Variants in SLC9A2 observed in about 807,000 individuals in gnomAD.
The protein encoded by SLC9A2 is solute carrier family 9 member A2, also known as sodium/hydrogen exchanger 2.
A neutral mutation model predicts 71.7 loss-of-function variants in SLC9A2; 42 were observed. The observed-to-expected ratio is 0.59, with a 90% CI of 0.46 to 0.76. The LOEUF is 0.76. Among genes scored for constraint, SLC9A2 ranks in the 30% least tolerant of loss-of-function variants. The pLI is 0.00. For missense variants in SLC9A2, 829 were observed against 1,017.4 expected, an observed-to-expected ratio of 0.81 and a Z score of 2.52; for synonymous variants, 396 against 392.5, an observed-to-expected ratio of 1.01 and a Z score of -0.10.
intron 5 of SLC9A2, among the ~76,000 whole-genome samples, chr2:102,688,642 CGCT>C (rs1274168279): frequency 1.3e-5 from 2 of 152,180 alleles, no homozygotes; most frequent in East Asian, 3.9e-4. Context: ...GCAGGAGAAT[CGCT>C]TGAACCAGGG....
intron 3 of SLC9A2, among the ~76,000 whole-genome samples, chr2:102,672,668 C>T (rs919885981): frequency 2.6e-5 from 4 of 151,992 alleles, no homozygotes; most frequent in African/African-American, 9.7e-5. Flanking sequence ...AAAAATGTTT[C>T]CCTAGGTCCA....
At chr2:102,680,612 A>G (rs1455910601) in intron 3 of SLC9A2, among the ~76,000 whole-genome samples, 1 of 152,148 alleles carries the variant, frequency 6.6e-6, no homozygotes, top group Non-Finnish European at 1.5e-5. Context: ...CACTTGGTTC[A>G]GGATACAGTT....
chr2:102,683,284 T>C lies in SLC9A2; in HGVS notation c.1028T>C (p.Met343Thr), dbSNP rs1256807243. ...IMAITACAMT[M>T]NKYVEENVSQ... is the part of the protein sequence containing the mutation. The stretch of plus-strand genomic sequence containing the variant: ...AGAATCACTGCTTGTGCAATGACTA[T>C]GAATAAGTACGTAGAAGAAAATGTA... Residue 343 changes from methionine (M) to threonine (T), a missense_variant, in exon 4 of 12, where the codon ATG becomes ACG. Coordinates refer to ENST00000233969, the MANE Select transcript of SLC9A2 (RefSeq NM_003048.6). 7 of 1,613,248 alleles carry C rather than the reference T, an allele frequency of 4.3e-6. No individual in the cohort carries two copies. Among genetic ancestry groups the C allele is most frequent in the Non-Finnish European group, 5.9e-6 (7 of 1,179,194 alleles).
intron 4 of SLC9A2, 64 bp from the exon 5 acceptor site, chr2:102,684,070 T>C: frequency 8.6e-7 from 1 of 1,166,272 alleles, no homozygotes; most frequent in Admixed American, 1.8e-5. Flanking sequence ...AGAAAATGAG[T>C]CTATGTATTT....
intron 2 of SLC9A2, among the ~76,000 whole-genome samples, chr2:102,659,197 G>A (rs1266137057): frequency 6.6e-6 from 1 of 151,886 alleles, no homozygotes. Flanking sequence ...GGAGGCTGAG[G>A]CAGGTGGATC....
intron 3 of SLC9A2, among the ~76,000 whole-genome samples, chr2:102,671,344 A>G (rs1677249131): frequency 6.6e-6 from 1 of 152,200 alleles, no homozygotes; most frequent in South Asian, 2.1e-4. Flanking sequence ...TGACCACCCC[A>G]AACATAAATA....
At chr2:102,644,276 A>G (rs1249064306) in intron 1 of SLC9A2, among the ~76,000 whole-genome samples, 1 of 152,240 alleles carries the variant, frequency 6.6e-6, no homozygotes, top group Non-Finnish European at 1.5e-5. Context: ...GGGACTGTGC[A>G]TTCTGGCCCA....
Position 102,619,909 on chromosome 2 carries a change from C to A in SLC9A2, c.61C>A (p.Leu21Met), listed in dbSNP as rs1676101602. ...RAPLPPMLLL[L>M]LLQVAGPVGA... ...GCCACTGCCTCCGATGCTGTTGCTG[C>A]TGCTCCTGCAGGTGGCGGGGCCCGT... is the stretch of plus-strand genomic sequence containing the variant. Residue 21 changes from leucine to methionine, a missense_variant, in exon 1 of 12, where the codon CTG (leucine) becomes ATG (methionine). Leu to Met is a conservative substitution (Grantham distance 15, BLOSUM62 2). This residue lies in a region of SLC9A2 where 106 missense variants were observed against 93.5 expected (regional missense o/e 1.13). Transcript: ENST00000233969. The surrounding 1 kb of genome is among the most constrained non-coding windows in gnomAD (Gnocchi z 4.3). The A allele has an allele frequency of 6.3e-7, 1 of 1,597,620 alleles. No homozygotes were observed.
chr2:102,641,896 C>CG (rs567032635), intron 1 of SLC9A2, among the ~76,000 whole-genome samples: 1,826 of 8,034 alleles, frequency 0.23, 46 homozygotes, highest in African/African-American at 0.4. Context: ...CAGGGCCTGT[C>CG]GGGGGGTGGG....
intron 3 of SLC9A2, 94 bp downstream of exon 3, chr2:102,665,444 A>C: frequency 1.6e-6 from 2 of 1,278,704 alleles, no homozygotes; most frequent in South Asian, 2.9e-5. Context: ...AGTTATATGA[A>C]ACACTAGGTT....
chr2:102,650,070 C>G, intron 1 of SLC9A2, among the ~76,000 whole-genome samples: 1 of 152,274 alleles, frequency 6.6e-6, no homozygotes, highest in East Asian at 1.9e-4. Context: ...TCCAACCAAC[C>G]AAAATGCCCA....
At position 102,705,915 on chromosome 2, in the gene SLC9A2, AG is replaced by A; in HGVS notation, c.2049del (p.Arg684GlyfsTer52). 4 of 1,603,500 alleles carry A rather than the reference AG, an allele frequency of 2.5e-6. No individual in the cohort carries two copies. The highest frequency in any genetic ancestry group is 3.4e-6 in the Non-Finnish European group (4 of 1,173,944). On this transcript the variant is annotated frameshift_variant, in exon 11 of 12. Transcript: ENST00000233969. LOFTEE classifies it low-confidence loss of function (END_TRUNC). ...GAAGCTTCCAGAAAAGCTACAAAAG[AG>A]GAGGACTATTTCTATTGCAGGTAGT... ...NTKLPEKLQKRRTISIADGNS... is the reference protein window; with the variant it reads ...NTKLPEKLQKXRTISIADGNS...
At chr2:102,665,710 C>G (rs1482257051) in intron 3 of SLC9A2, among the ~76,000 whole-genome samples, 2 of 121,816 alleles carry the variant, frequency 1.6e-5, no homozygotes, top group Non-Finnish European at 3.2e-5. Flanking sequence ...GGAGGCGGAG[C>G]TTGCGGTGAG....
At chr2:102,622,813 C>T (rs536743516) in intron 1 of SLC9A2, among the ~76,000 whole-genome samples, 34 of 152,302 alleles carry the variant, frequency 2.2e-4, no homozygotes, top group Admixed American at 9.2e-4. Context: ...GTTAACTGTA[C>T]AGTTTCTAGC....
intron 3 of SLC9A2, among the ~76,000 whole-genome samples, chr2:102,667,265 C>G (rs990266701): frequency 6.6e-6 from 1 of 152,126 alleles, no homozygotes; most frequent in South Asian, 2.1e-4. Flanking sequence ...AAATGTATGA[C>G]CAGCTAGTTA....
At position 102,657,416 on chromosome 2, in the gene SLC9A2, T is replaced by G. The variant is rs1573411417; in HGVS notation, c.290-148T>G. 1.3e-5 allele frequency: 8 copies of G among 611,426 alleles called. No individual in the cohort carries two copies. In the East Asian group the frequency reaches 2.2e-4, roughly 17 times the overall value. 37.9% of individuals were successfully genotyped at this position (611,426 alleles called of 1,614,324 possible). A position where few individuals can be genotyped will look rare whatever the true frequency, so the allele number is the denominator to read the frequency against. Reference sequence around the variant, plus strand: ...TTTAAGGGAAACCTCTGGTTTGCACTGTAATCTGGGAAGCCATTGTAAAGA... The same window carrying G: ...TTTAAGGGAAACCTCTGGTTTGCACGGTAATCTGGGAAGCCATTGTAAAGA... On this transcript the variant is annotated intron_variant, in intron 1 of 11. Coordinates refer to ENST00000233969, the MANE Select transcript of SLC9A2 (RefSeq NM_003048.6).
intron 10 of SLC9A2, 105 bp downstream of exon 10, chr2:102,704,780 C>T (rs1677942209): frequency 3.8e-6 from 5 of 1,300,498 alleles, no homozygotes; most frequent in Non-Finnish European, 5.4e-6. Context: ...TGGCTGTTGA[C>T]AGTTCTCTGA....
intron 1 of SLC9A2, among the ~76,000 whole-genome samples, chr2:102,633,409 C>G (rs114693018): frequency 0.011 from 1,731 of 152,258 alleles, 29 homozygotes; most frequent in African/African-American, 0.04. Flanking sequence ...TTTACCCACT[C>G]TTAACCTGGA....
At chr2:102,630,886 G>C (rs1175551934) in intron 1 of SLC9A2, among the ~76,000 whole-genome samples, 2 of 151,400 alleles carry the variant, frequency 1.3e-5, no homozygotes, top group African/African-American at 4.8e-5. Flanking sequence ...GGATTGTTCT[G>C]TTATTTGTAA....
Sources: allele counts gnomAD v4.1 joint callset (sites outside exome capture counted in the v4.1 genomes callset), GRCh38; gene constraint gnomAD v4.1.1; regional missense constraint gnomAD v4.1.1; non-coding constraint Gnocchi (gnomAD v3.1); transcripts MANE v1.5; gene names NCBI Gene and HGNC (gene_info 2026-07-23, HGNC 2026-07-21).